The following IFT43 variants were observed in gnomAD, a reference collection of about 807,000 sequenced individuals.
The protein encoded by IFT43 is intraflagellar transport 43, also known as intraflagellar transport protein 43 homolog.
In IFT43, 33 loss-of-function variants were observed where a neutral mutation model predicts 32.3. The ratio of observed to expected loss-of-function variants is 1.02; its 90% CI spans 0.77 to 1.37. The LOEUF (loss-of-function observed/expected upper bound fraction) is 1.37. IFT43 is among the 40% of genes most tolerant of loss of function. The probability of loss-of-function intolerance (pLI) is 0.00; values close to 1 mark genes in which losing one functional copy is unlikely to be tolerated. For missense variants in IFT43, 274 were observed against 265.9 expected (o/e 1.03, Z -0.21); for synonymous variants, 93 against 98.2 (o/e 0.95, Z 0.31).
At chr14:76,075,478 T>TA (rs1042890100) in intron 5 of IFT43, among the ~76,000 whole-genome samples, 1 of 152,222 alleles carries the variant, frequency 6.6e-6, no homozygotes, top group Admixed American at 6.5e-5. Context: ...TTTTCCCTTT[T>TA]AAAAAATTCT....
intron 2 of IFT43, among the ~76,000 whole-genome samples, chr14:75,998,093 G>A (rs1469975869): frequency 3.3e-5 from 5 of 152,150 alleles, no homozygotes; most frequent in Non-Finnish European, 5.9e-5. Context: ...ATATGCACTC[G>A]TTTCTTTTTT....
In IFT43 at chr14:76,055,856, G is replaced by T. The variant is rs140878096; in HGVS notation, c.216-2786G>T. 2.6e-3 allele frequency among the ~76,000 whole-genome samples: 392 copies of T among 152,172 alleles called. 4 individuals are homozygous for T. The highest frequency in any genetic ancestry group is 9.0e-3 in the African/African-American group (372 of 41,514). On this transcript the variant is annotated intron_variant, in intron 3 of 8. Transcript: ENST00000314067. ...ATTTGATAGCTGCAAGACATACTTT[G>T]CCAGCCTCCTCACTCCTATTGGAAA...
chr14:76,004,868 C>T (rs1443885079), intron 2 of IFT43, among the ~76,000 whole-genome samples: 1 of 152,002 alleles, frequency 6.6e-6, no homozygotes, highest in Non-Finnish European at 1.5e-5. Context: ...AGATATTTTA[C>T]TTTTAAATTA....
chr14:76,062,216 G>A lies in IFT43; in HGVS notation c.295+2843G>A, dbSNP rs139209265. ...CTCCCAAGTAGCTGGGACTACAGGT[G>A]CCTGCCACCACGCCCAGCTAATTTT... On this transcript the variant is annotated intron_variant, in intron 5 of 8. Transcript: ENST00000314067. Among the ~76,000 whole-genome samples the A allele has an allele frequency of 9.9e-3, 1,497 of 151,866 alleles. 23 individuals carry two copies. The highest frequency in any genetic ancestry group is 0.034 in the African/African-American group (1,398 of 41,368).
intron 2 of IFT43, among the ~76,000 whole-genome samples, chr14:76,007,204 T>G (rs2035996027): frequency 6.6e-6 from 1 of 152,268 alleles, no homozygotes; most frequent in Non-Finnish European, 1.5e-5. Context: ...GTGAAATGTG[T>G]ACTAATTTGC....
At chr14:76,012,831 T>G (rs186815028) in intron 2 of IFT43, among the ~76,000 whole-genome samples, 3 of 152,366 alleles carry the variant, frequency 2.0e-5, no homozygotes, top group African/African-American at 7.2e-5. Context: ...TTGGAAATCA[T>G]TTGTCCAGCT....
intron 5 of IFT43, chr14:76,076,638 G>A: frequency 6.2e-7 from 1 of 1,614,178 alleles, no homozygotes; most frequent in Non-Finnish European, 8.5e-7. Flanking sequence ...CTGAACGCAT[G>A]CTATCACAAA....
In IFT43 at chr14:76,082,312, G is replaced by T. The variant is rs757279742; in HGVS notation, c.313G>T (p.Asp105Tyr). 2 of 1,614,084 alleles carry T rather than the reference G, an allele frequency of 1.2e-6. No homozygotes were observed. Among genetic ancestry groups the T allele is most frequent in the East Asian group, 4.5e-5 (2 of 44,888 alleles). The change falls in exon 6 of 9, where the codon GAT becomes TAT. Residue 105 changes from aspartate (D) to tyrosine (Y), a missense_variant. Coordinates refer to ENST00000314067, the MANE Select transcript of IFT43 (RefSeq NM_001102564.3). The part of the protein sequence containing the change: ...DYGGDIPIIP[D>Y]LEEVQEEDFV... The stretch of plus-strand genomic sequence containing the variant: ...CCTTGCAGATATTCCTATCATTCCG[G>T]ATCTGGAGGAAGTACAGGAAGAAGA...
intron 1 of IFT43, 75 bp from the exon 2 acceptor site, chr14:75,988,810 G>A (rs187076697): frequency 1.9e-5 from 31 of 1,608,074 alleles, no homozygotes; most frequent in Admixed American, 1.3e-4. Flanking sequence ...GAGCCACTGC[G>A]CCCGGCTGGA....
intron 3 of IFT43, among the ~76,000 whole-genome samples, chr14:76,045,559 G>T (rs759313492): frequency 3.5e-4 from 53 of 152,160 alleles, no homozygotes; most frequent in Non-Finnish European, 5.1e-4. Context: ...GGGCTTAGCA[G>T]CCCGGGGCTG....
chr14:75,994,160 T>A (rs1261918235), intron 2 of IFT43, among the ~76,000 whole-genome samples: 11 of 151,848 alleles, frequency 7.2e-5, no homozygotes, highest in Non-Finnish European at 1.6e-4. Flanking sequence ...TTAAAAAAAA[T>A]GTACATTCTT....
At chr14:75,989,074 G>C in intron 2 of IFT43, 97 bp downstream of exon 2, 3 of 1,412,876 alleles carry the variant, frequency 2.1e-6, no homozygotes, top group Non-Finnish European at 2.0e-6. Flanking sequence ...TTCTTCTCTT[G>C]AATGCCAACC....
intron 2 of IFT43, among the ~76,000 whole-genome samples, chr14:76,019,991 T>C (rs2036260180): frequency 6.6e-6 from 1 of 152,198 alleles, no homozygotes; most frequent in African/African-American, 2.4e-5. Flanking sequence ...TCTTTTTTTT[T>C]TGGAGACGGA....
chr14:76,029,635 C>A (rs2036468875), intron 3 of IFT43, among the ~76,000 whole-genome samples: 2 of 152,008 alleles, frequency 1.3e-5, no homozygotes, highest in Admixed American at 6.5e-5. Context: ...GTTAATTTTT[C>A]TTATATAGTG....
At chr14:76,045,818 T>C (rs1221497929) in intron 3 of IFT43, among the ~76,000 whole-genome samples, 1 of 152,226 alleles carries the variant, frequency 6.6e-6, no homozygotes, top group Non-Finnish European at 1.5e-5. Context: ...CTCACGGGTC[T>C]ACCCCTCAGC....
intron 2 of IFT43, among the ~76,000 whole-genome samples, chr14:75,994,279 C>T (rs8007362): frequency 2.6e-5 from 4 of 152,040 alleles, no homozygotes; most frequent in African/African-American, 9.7e-5. Flanking sequence ...TGTCTCCATA[C>T]CCACTTAGGA....
chr14:76,062,936 A>AAAG (rs1555367549), intron 5 of IFT43, among the ~76,000 whole-genome samples: 2 of 148,912 alleles, frequency 1.3e-5, no homozygotes, highest in African/African-American at 5.0e-5. Flanking sequence ...AAAAAAAAAA[A>AAAG]AAAAAGAAAA....
At chr14:76,068,009 A>G (rs2037256009) in intron 5 of IFT43, among the ~76,000 whole-genome samples, 1 of 152,222 alleles carries the variant, frequency 6.6e-6, no homozygotes. Flanking sequence ...GGAGCACAGA[A>G]CTTTGTTGGG....
At position 76,067,789 on chromosome 14, in the gene IFT43, G is replaced by A. The variant is rs534962435; in HGVS notation, c.295+8416G>A. 8.1e-4 allele frequency among the ~76,000 whole-genome samples: 123 copies of A among 152,324 alleles called. 2 individuals carry two copies. The South Asian group carries it at 0.025, about 31-fold the overall frequency. ...ACGTAAACCCGTGAAACAGAAAAAT[G>A]TAAAATAAAGGATGGTGGGGTCTGT... On this transcript the variant is annotated intron_variant, in intron 5 of 8. Transcript: ENST00000314067.
Sources: allele counts gnomAD v4.1 joint callset (sites outside exome capture counted in the v4.1 genomes callset), GRCh38; gene constraint gnomAD v4.1.1; transcripts MANE v1.5; gene names NCBI Gene and HGNC (gene_info 2026-07-23, HGNC 2026-07-21).